The following PAG1 variants were observed in gnomAD, a reference collection of about 807,000 sequenced individuals.
The protein encoded by PAG1 is phosphoprotein associated with glycosphingolipid-enriched microdomains 1.
Under a neutral mutation model 31.7 loss-of-function variants are expected in PAG1, and 23 were observed. The ratio of observed to expected loss-of-function variants is 0.73; its 90% confidence interval spans 0.52 to 1.03. The LOEUF is 1.03. Among genes scored for constraint, PAG1 ranks in the 50% least tolerant of loss-of-function variants. The pLI is 0.00. For missense variants in PAG1, 473 were observed against 540.7 expected (o/e 0.87, Z 1.24); for synonymous variants, 214 against 210.3 (o/e 1.02, Z -0.15).
chr8:80,981,670 C>A (rs1314764937), intron 7 of PAG1, among the ~76,000 whole-genome samples: 1 of 152,058 alleles, frequency 6.6e-6, no homozygotes, highest in East Asian at 1.9e-4. Flanking sequence ...CCATGTTCCT[C>A]CTTCAGGTGA....
rs1256928871 is a variant in PAG1, at chr8:80,984,822, C to T, written c.830G>A (p.Gly277Glu). Residue 277 changes from glycine (G) to glutamate (E), a missense_variant, in exon 7 of 9, where the codon GGA becomes GAA. By Grantham distance (98) the Gly-to-Glu change is moderately conservative. Coordinates refer to ENST00000220597, the MANE Select transcript of PAG1 (RefSeq NM_018440.4). ...ENENLQEKEG[G>E]EAEESATDTT... The stretch of plus-strand genomic sequence containing the variant: ...GTCTGTGGCACTCTCTTCCGCCTCT[C>T]CCCCTTCCTTCTCCTGAAGGTTTTC... 1.2e-5 allele frequency: 19 copies of T among 1,614,082 alleles called. No individual in the cohort carries two copies. The highest frequency in any genetic ancestry group is 1.5e-5 in the Non-Finnish European group (18 of 1,179,938).
chr8:81,075,667 A>C (rs887837274), intron 1 of PAG1, among the ~76,000 whole-genome samples: 2 of 152,204 alleles, frequency 1.3e-5, no homozygotes, highest in African/African-American at 4.8e-5. Flanking sequence ...AGAAATGTGA[A>C]GTGACACAGC....
chr8:81,010,293 T>C (rs1162361733), intron 3 of PAG1, among the ~76,000 whole-genome samples: 3 of 152,128 alleles, frequency 2.0e-5, no homozygotes, highest in Non-Finnish European at 2.9e-5. Context: ...TTCCAGAGGG[T>C]GGTATCTGAG....
chr8:81,086,492 TG>T (rs1213950761), intron 1 of PAG1, among the ~76,000 whole-genome samples: 1 of 151,238 alleles, frequency 6.6e-6, no homozygotes, highest in African/African-American at 2.4e-5. Context: ...AGGCAAGAAA[TG>T]TGTGTGTGTG....
chr8:81,072,594 C>T (rs1309897923), intron 1 of PAG1, among the ~76,000 whole-genome samples: 1 of 152,172 alleles, frequency 6.6e-6, no homozygotes, highest in East Asian at 1.9e-4. Context: ...ATCCCAGCTA[C>T]TTAGGAGGCT....
At chr8:81,108,328 C>G (rs936574273) in intron 1 of PAG1, among the ~76,000 whole-genome samples, 3 of 152,178 alleles carry the variant, frequency 2.0e-5, no homozygotes, top group African/African-American at 7.2e-5. Flanking sequence ...TGTGAGATGA[C>G]TCAGTCAATG....
intron 1 of PAG1, among the ~76,000 whole-genome samples, chr8:81,108,620 C>A (rs1346728208): frequency 6.6e-6 from 1 of 151,924 alleles, no homozygotes; most frequent in Admixed American, 6.6e-5. Flanking sequence ...ATAAGACTTA[C>A]AAAAGGCGAG....
intron 5 of PAG1, among the ~76,000 whole-genome samples, chr8:80,989,537 G>C (rs918320148): frequency 1.3e-5 from 2 of 152,094 alleles, no homozygotes; most frequent in Non-Finnish European, 2.9e-5. Context: ...GTGTGTGCTC[G>C]CGCTCTCTCA....
chr8:81,065,199 T>C (rs1808983271), intron 2 of PAG1, among the ~76,000 whole-genome samples: 2 of 152,226 alleles, frequency 1.3e-5, no homozygotes, highest in Non-Finnish European at 2.9e-5. Flanking sequence ...TCCTGGTAGC[T>C]GAGCTAATCA....
chr8:81,063,328 T>C lies in PAG1; in HGVS notation c.-175+6784A>G, dbSNP rs193248783. ...AAAAGAAGTATCTTTTTTCATGACATGAAAAAGGAATATGGAAGGCAGCCA... is the reference window on the plus strand; with the variant it reads ...AAAAGAAGTATCTTTTTTCATGACACGAAAAAGGAATATGGAAGGCAGCCA... On this transcript the variant is annotated intron_variant, in intron 2 of 8. Transcript: ENST00000220597. 1.5e-3 allele frequency among the ~76,000 whole-genome samples: 229 copies of C among 152,148 alleles called. 1 individual carries two copies. The highest frequency in any genetic ancestry group is 5.6e-4 in the Non-Finnish European group (38 of 67,984).
rs755455744 is a variant in PAG1, at chr8:80,976,956, T to C, written c.937-50A>G. The C allele has an allele frequency of 1.4e-5, 22 of 1,539,046 alleles. No homozygotes were observed. The Middle Eastern group carries it at 8.9e-4, about 62-fold the overall frequency. On this transcript the variant is annotated intron_variant, in intron 8 of 8. Transcript: ENST00000220597. The stretch of plus-strand genomic sequence containing the variant: ...TAAACTTCCAGCTGTGACTTCCCCC[T>C]CCCTCTTTTTAGTGACAAGCTACAT...
At chr8:81,074,843 C>T (rs1268088335) in intron 1 of PAG1, among the ~76,000 whole-genome samples, 1 of 152,144 alleles carries the variant, frequency 6.6e-6, no homozygotes. Context: ...TAGGAAATTC[C>T]CTGGGGCTCT....
At chr8:81,034,681 T>G (rs1808433723) in intron 2 of PAG1, among the ~76,000 whole-genome samples, 1 of 152,184 alleles carries the variant, frequency 6.6e-6, no homozygotes, top group East Asian at 1.9e-4. Flanking sequence ...CAACCTTGTT[T>G]GAGTCGTGGT....
intron 3 of PAG1, among the ~76,000 whole-genome samples, chr8:80,998,128 CTTTT>C (rs3065523): frequency 2.8e-4 from 32 of 112,718 alleles, no homozygotes; most frequent in Admixed American, 2.7e-4. Context: ...AGCAGGTGTC[CTTTT>C]TTTTTTTTTT....
intron 5 of PAG1, among the ~76,000 whole-genome samples, chr8:80,989,417 T>G (rs1439345637): frequency 2.0e-4 from 30 of 152,192 alleles, no homozygotes; most frequent in Admixed American, 2.0e-3. Context: ...TTCTATGAGA[T>G]GAAGAATCCG....
At chr8:81,019,714 C>T (rs1006630936) in intron 3 of PAG1, among the ~76,000 whole-genome samples, 1 of 152,238 alleles carries the variant, frequency 6.6e-6, no homozygotes, top group African/African-American at 2.4e-5. Context: ...TGGACAACCT[C>T]TGCTAGAGCA....
intron 2 of PAG1, among the ~76,000 whole-genome samples, chr8:81,051,533 C>T (rs1808728250): frequency 6.6e-6 from 1 of 152,144 alleles, no homozygotes; most frequent in South Asian, 2.1e-4. Flanking sequence ...AGACTTCATT[C>T]CAAAAATTCA....
intron 1 of PAG1, among the ~76,000 whole-genome samples, chr8:81,099,747 G>C (rs1182194582): frequency 6.6e-6 from 1 of 152,212 alleles, no homozygotes; most frequent in Non-Finnish European, 1.5e-5. Context: ...ACAGGCACAA[G>C]GGAGCTTTTT....
At chr8:81,077,883 A>G (rs959647817) in intron 1 of PAG1, among the ~76,000 whole-genome samples, 2 of 152,232 alleles carry the variant, frequency 1.3e-5, no homozygotes, top group Non-Finnish European at 2.9e-5. Flanking sequence ...AAAGAGAGCC[A>G]GAAGGGAACA....
Sources: allele counts gnomAD v4.1 joint callset (sites outside exome capture counted in the v4.1 genomes callset), GRCh38; gene constraint gnomAD v4.1.1; transcripts MANE v1.5; gene names NCBI Gene and HGNC (gene_info 2026-07-23, HGNC 2026-07-21).